FRMD5: variants seen among roughly 807,000 people sequenced by gnomAD.
FRMD5 encodes the protein FERM domain-containing protein 5.
A neutral mutation model predicts 69.0 loss-of-function variants in FRMD5; 20 were observed. The ratio of observed to expected loss-of-function variants is 0.29; its 90% CI spans 0.20 to 0.42. The LOEUF is 0.42. Among genes scored for constraint, FRMD5 ranks in the 10% least tolerant of loss-of-function variants. The pLI is 1.00. For synonymous variants in FRMD5, 271 were observed against 260.1 expected (o/e 1.04, Z -0.40); for missense variants, 595 against 708.6 (o/e 0.84, Z 1.82).
intron 1 of FRMD5, among the ~76,000 whole-genome samples, chr15:44,064,940 G>A (rs1370887921): frequency 6.6e-6 from 1 of 152,162 alleles, no homozygotes; most frequent in Non-Finnish European, 1.5e-5. Context: ...ACATAGACAG[G>A]ATGTCACTGC....
chr15:44,022,584 G>GAA (rs5812262), intron 1 of FRMD5, among the ~76,000 whole-genome samples: 2,284 of 72,882 alleles, frequency 0.031, 168 homozygotes, highest in East Asian at 0.064. Flanking sequence ...CACTCCACCA[G>GAA]AAAAAAAAAA....
At chr15:44,111,533 A>T (rs993967177) in intron 1 of FRMD5, among the ~76,000 whole-genome samples, 10 of 152,226 alleles carry the variant, frequency 6.6e-5, no homozygotes, top group Admixed American at 5.9e-4. Flanking sequence ...TGGAAGGCTC[A>T]CTGCGTATGC....
At chr15:44,075,808 C>A (rs1893734193) in intron 1 of FRMD5, among the ~76,000 whole-genome samples, 1 of 152,178 alleles carries the variant, frequency 6.6e-6, no homozygotes, top group Non-Finnish European at 1.5e-5. Flanking sequence ...CAAGTCCCGA[C>A]AAGCAGAGGA....
At chr15:44,118,574 T>C (rs2076902772) in intron 1 of FRMD5, among the ~76,000 whole-genome samples, 1 of 152,230 alleles carries the variant, frequency 6.6e-6, no homozygotes, top group Non-Finnish European at 1.5e-5. Context: ...TTTCATTTCC[T>C]ATCCTACCAT....
At chr15:43,942,823 C>T (rs986537353) in intron 1 of FRMD5, among the ~76,000 whole-genome samples, 3 of 152,152 alleles carry the variant, frequency 2.0e-5, no homozygotes, top group African/African-American at 7.2e-5. Flanking sequence ...GCAGTGGTAC[C>T]ACCTTGGCTC....
intron 1 of FRMD5, among the ~76,000 whole-genome samples, chr15:44,108,148 A>G (rs2076745559): frequency 6.6e-6 from 1 of 152,204 alleles, no homozygotes; most frequent in African/African-American, 2.4e-5. Flanking sequence ...AAAGAATAAT[A>G]GACAAAAGAA....
At chr15:44,181,142 C>CA (rs2077993495) in intron 1 of FRMD5, among the ~76,000 whole-genome samples, 1 of 152,082 alleles carries the variant, frequency 6.6e-6, no homozygotes, top group Non-Finnish European at 1.5e-5. Context: ...GGGGCTCGAG[C>CA]AATTATTCCA....
At chr15:43,918,961 A>G (rs568996718) in intron 4 of FRMD5, 2 of 246,190 alleles carry the variant, frequency 8.1e-6, no homozygotes, top group East Asian at 1.0e-4. Flanking sequence ...TGATCCCCAC[A>G]ATAGTTTATC....
chr15:44,060,150 G>A (rs1282650831), intron 1 of FRMD5, among the ~76,000 whole-genome samples: 2 of 152,176 alleles, frequency 1.3e-5, no homozygotes, highest in Non-Finnish European at 2.9e-5. Flanking sequence ...GTTGCAAGTA[G>A]CAGACACTGG....
intron 1 of FRMD5, among the ~76,000 whole-genome samples, chr15:44,193,825 A>C (rs906368700): frequency 6.6e-6 from 1 of 152,226 alleles, no homozygotes; most frequent in African/African-American, 2.4e-5. Context: ...AGCAAAAATA[A>C]ATAAATAAGG....
At chr15:44,118,715 C>G (rs893098263) in intron 1 of FRMD5, among the ~76,000 whole-genome samples, 1 of 152,194 alleles carries the variant, frequency 6.6e-6, no homozygotes, top group East Asian at 1.9e-4. Flanking sequence ...TCAACCAGAT[C>G]CCCCGATGGG....
chr15:43,989,969 T>C, intron 1 of FRMD5: 1 of 1,048,844 alleles, frequency 9.5e-7, no homozygotes, highest in Admixed American at 1.7e-5. Flanking sequence ...ATGTCCTGCT[T>C]GATGGGGTAC....
intron 13 of FRMD5, chr15:43,876,000 A>C (rs1338782860): frequency 5.2e-6 from 7 of 1,354,080 alleles, no homozygotes; most frequent in Admixed American, 1.7e-5. Context: ...CATCCAACCC[A>C]AGACGCCCCC....
At chr15:43,970,320 C>T (rs1201039839) in intron 1 of FRMD5, among the ~76,000 whole-genome samples, 8 of 152,328 alleles carry the variant, frequency 5.3e-5, no homozygotes, top group Non-Finnish European at 7.3e-5. Context: ...GTTCCTCTCC[C>T]AGCATTCTTT....
chr15:44,055,484 C>T (rs966640778), intron 1 of FRMD5, among the ~76,000 whole-genome samples: 3 of 152,082 alleles, frequency 2.0e-5, no homozygotes, highest in African/African-American at 7.2e-5. Flanking sequence ...TTGTTGAAGC[C>T]CTGTAACTGA....
chr15:43,971,328 T>C (rs1333523704), intron 1 of FRMD5, among the ~76,000 whole-genome samples: 1 of 152,060 alleles, frequency 6.6e-6, no homozygotes, highest in East Asian at 1.9e-4. Context: ...AAAATATTTG[T>C]TTTCTGTTAT....
intron 12 of FRMD5, 25 bp from the exon 13 acceptor site, chr15:43,883,834 G>A (rs375114566): frequency 6.4e-7 from 1 of 1,550,846 alleles, no homozygotes; most frequent in African/African-American, 1.4e-5. Flanking sequence ...AAAGAACCTT[G>A]TTAATTCAGT....
chr15:44,189,511 C>T (rs1360411603), intron 1 of FRMD5, among the ~76,000 whole-genome samples: 2 of 146,272 alleles, frequency 1.4e-5, no homozygotes, highest in African/African-American at 2.5e-5. Context: ...TTTTTTGGGA[C>T]AGAGTCTTGC....
At chr15:44,112,206 T>G (rs777477572) in intron 1 of FRMD5, among the ~76,000 whole-genome samples, 3 of 152,166 alleles carry the variant, frequency 2.0e-5, no homozygotes, top group Non-Finnish European at 2.9e-5. Flanking sequence ...ATATCTTATT[T>G]TTGTATTTTA....
Sources: allele counts gnomAD v4.1 joint callset (sites outside exome capture counted in the v4.1 genomes callset), GRCh38; gene constraint gnomAD v4.1.1; transcripts MANE v1.5; gene names NCBI Gene and HGNC (gene_info 2026-07-23, HGNC 2026-07-21).